Variants in FGFR2 observed in about 807,000 individuals in gnomAD.
FGFR2 encodes fibroblast growth factor receptor 2, also known as BEK fibroblast growth factor receptor.
Under a neutral mutation model 95.9 loss-of-function variants are expected in FGFR2, and 19 were observed. The ratio of observed to expected loss-of-function variants is 0.20; its 90% CI spans 0.14 to 0.29. The LOEUF (loss-of-function observed/expected upper bound fraction) is 0.29, where lower values mean the gene tolerates loss of function less well. Ranked by LOEUF, FGFR2 falls within the 10% of genes least tolerant of loss-of-function variation. The pLI, the probability that FGFR2 is intolerant of heterozygous loss-of-function variation, is 1.00. For synonymous variants in FGFR2, 392 were observed against 393.3 expected (o/e 1.00, Z 0.04); for missense variants, 707 against 1,056.9 (o/e 0.67, Z 4.59).
intron 2 of FGFR2, among the ~76,000 whole-genome samples, chr10:121,577,349 T>G (rs45631566): frequency 6.6e-6 from 1 of 150,794 alleles, no homozygotes; most frequent in Non-Finnish European, 1.5e-5. Context: ...CTTACACATC[T>G]GCCATCAGAA....
intron 2 of FGFR2, among the ~76,000 whole-genome samples, chr10:121,567,579 T>G (rs757392001): frequency 6.6e-6 from 1 of 152,202 alleles, no homozygotes; most frequent in African/African-American, 2.4e-5. Context: ...TGACAGACGA[T>G]AGATACAAAA....
chr10:121,505,390 C>A (rs183790347), intron 9 of FGFR2, among the ~76,000 whole-genome samples: 7 of 152,312 alleles, frequency 4.6e-5, no homozygotes, highest in African/African-American at 1.4e-4. Flanking sequence ...ACTTCCTGAG[C>A]CTTCCATTCA....
intron 5 of FGFR2, among the ~76,000 whole-genome samples, chr10:121,540,225 C>T (rs1853496465): frequency 6.6e-6 from 1 of 152,182 alleles, no homozygotes; most frequent in East Asian, 1.9e-4. Flanking sequence ...CAGCCTGGAG[C>T]TGGTGATGGG....
intron 13 of FGFR2, among the ~76,000 whole-genome samples, chr10:121,494,374 G>A (rs1366455689): frequency 2.0e-5 from 3 of 152,152 alleles, no homozygotes; most frequent in African/African-American, 7.2e-5. Flanking sequence ...CCAAGGGCAT[G>A]AGACATCGGG....
At chr10:121,535,983 A>G (rs1852769588) in intron 6 of FGFR2, among the ~76,000 whole-genome samples, 1 of 152,232 alleles carries the variant, frequency 6.6e-6, no homozygotes, top group South Asian at 2.1e-4. Flanking sequence ...ATAAAACCCC[A>G]AAGAATGTGG....
chr10:121,551,491 T>C, intron 4 of FGFR2, 32 bp from the exon 5 acceptor site: 1 of 1,606,182 alleles, frequency 6.2e-7, no homozygotes, highest in Non-Finnish European at 8.5e-7. Flanking sequence ...GAATGTATAC[T>C]GATGGACAGC....
Position 121,597,597 on chromosome 10 carries a change from C to T in FGFR2, c.-151+365G>A, listed in dbSNP as rs543149090. On this transcript the variant is annotated intron_variant, in intron 1 of 17. Coordinates refer to ENST00000358487, the MANE Select transcript of FGFR2 (RefSeq NM_000141.5). ...CCTCGGAGATGACCCCGGGAACCGGCCTGCGGGGCTGTGCCACGGGCAGGC... is the reference window on the plus strand; with the variant it reads ...CCTCGGAGATGACCCCGGGAACCGGTCTGCGGGGCTGTGCCACGGGCAGGC... 2.6e-5 allele frequency among the ~76,000 whole-genome samples: 4 copies of T among 152,374 alleles called. No individual in the cohort carries two copies. The South Asian group carries it at 6.2e-4, about 24-fold the overall frequency.
chr10:121,585,690 A>T (rs1295279263), intron 2 of FGFR2, among the ~76,000 whole-genome samples: 1 of 152,206 alleles, frequency 6.6e-6, no homozygotes, highest in Non-Finnish European at 1.5e-5. Flanking sequence ...ATCCAAAATG[A>T]TTTTATTCAA....
intron 2 of FGFR2, among the ~76,000 whole-genome samples, chr10:121,579,690 C>A (rs114400695): frequency 0.013 from 1,936 of 152,260 alleles, 34 homozygotes; most frequent in African/African-American, 0.043. Context: ...GAGATGAGAA[C>A]CCCAGCAGGG....
chr10:121,480,489 C>T, intron 17 of FGFR2: 1 of 266,108 alleles, frequency 3.8e-6, no homozygotes, highest in East Asian at 5.6e-5. Flanking sequence ...GGTCCCCAGA[C>T]CCCCTTTAAG....
At chr10:121,588,830 A>G (rs1445758100) in intron 2 of FGFR2, among the ~76,000 whole-genome samples, 1 of 152,124 alleles carries the variant, frequency 6.6e-6, no homozygotes, top group East Asian at 1.9e-4. Context: ...GTCCGAGGGT[A>G]CAGTGAGCCA....
intron 8 of FGFR2, among the ~76,000 whole-genome samples, chr10:121,515,571 A>C (rs974590056): frequency 6.6e-6 from 1 of 152,106 alleles, no homozygotes; most frequent in Admixed American, 6.6e-5. Context: ...ACCCAGTTGC[A>C]CAGGGCAGGC....
At chr10:121,594,092 C>T in intron 1 of FGFR2, 125 bp from the exon 2 acceptor site, 1 of 553,648 alleles carries the variant, frequency 1.8e-6, no homozygotes, top group Non-Finnish European at 3.3e-6. Flanking sequence ...TCATTATCTG[C>T]TAAATCCTTC....
At chr10:121,581,079 T>C (rs1177930629) in intron 2 of FGFR2, among the ~76,000 whole-genome samples, 2 of 152,100 alleles carry the variant, frequency 1.3e-5, no homozygotes, top group African/African-American at 2.4e-5. Context: ...CTCTGCCAAT[T>C]AGAGGTAGTA....
intron 6 of FGFR2, among the ~76,000 whole-genome samples, chr10:121,529,112 T>G (rs1275923107): frequency 1.3e-5 from 2 of 151,786 alleles, no homozygotes; most frequent in South Asian, 2.1e-4. Context: ...ATTTTAATTT[T>G]TTTTGTTTGT....
rs1844380444 is a variant in FGFR2, at chr10:121,479,366, CA to C, written c.*490del. The C allele has an allele frequency of 6.7e-6, 2 of 300,518 alleles. No homozygotes were observed. Among genetic ancestry groups the C allele is most frequent in the East Asian group, 1.0e-4 (2 of 19,998 alleles). 18.6% of individuals were successfully genotyped at this position (300,518 alleles called of 1,614,324 possible). A position where few individuals can be genotyped will look rare whatever the true frequency, so the allele number is the denominator to read the frequency against. ...AAATAGCTATTAAAAAAAGAGAGAC[CA>C]ATTTTCTAGGTGCATTGGGACATCC... On this transcript the variant is annotated 3_prime_UTR_variant, in exon 18 of 18. Transcript: ENST00000358487.
chr10:121,515,086 G>A (rs754527933), intron 9 of FGFR2, 31 bp downstream of exon 9: 6 of 1,608,206 alleles, frequency 3.7e-6, no homozygotes, highest in Middle Eastern at 1.7e-4. Flanking sequence ...TGGGGGAGGA[G>A]TAAATTTCTT....
chr10:121,518,151 A>AAT lies in FGFR2; in HGVS notation c.940-689_940-688insAT. 3.6e-5 allele frequency: 11 copies of AAT among 303,806 alleles called. No homozygotes were observed. Among genetic ancestry groups the AAT allele is most frequent in the South Asian group, 3.0e-4 (11 of 36,654 alleles). The allele number at this position is 303,806 out of a possible 1,614,324, so 18.8% of individuals were successfully genotyped here. A position where few individuals can be genotyped will look rare whatever the true frequency, so the allele number is the denominator to read the frequency against. The stretch of plus-strand genomic sequence containing the variant: ...CAACCTTTTGCCTTTAGTAGCGTCC[A>AAT]GTAGTACATTCATTAAGATGAGCTC... On this transcript the variant is annotated intron_variant, in intron 7 of 17. Transcript: ENST00000358487. This position sits in a 1 kb window ranked among gnomAD's most constrained non-coding sequence, Gnocchi z 4.0.
intron 2 of FGFR2, among the ~76,000 whole-genome samples, chr10:121,587,160 G>A (rs919486735): frequency 1.3e-5 from 2 of 152,178 alleles, no homozygotes; most frequent in African/African-American, 4.8e-5. Context: ...ATGGGGAAAA[G>A]ACTCCCTATT....
Sources: gnomAD v4.1 joint callset for allele counts (sites outside exome capture counted in the v4.1 genomes callset) on GRCh38, gnomAD v4.1.1 for gene constraint, Gnocchi (gnomAD v3.1) non-coding constraint, MANE v1.5 for transcripts, NCBI Gene and HGNC (gene_info 2026-07-23, HGNC 2026-07-21) for gene names.